Variants in DLG2 observed in about 807,000 individuals in gnomAD.
The protein encoded by DLG2 is discs large MAGUK scaffold protein 2, also known as disks large homolog 2.
Under a neutral mutation model 132.5 loss-of-function variants are expected in DLG2, and 45 were observed. That is an observed-to-expected ratio of 0.34 (90% CI 0.27 to 0.44). The LOEUF is 0.44. Among genes scored for constraint, DLG2 ranks in the 20% least tolerant of loss-of-function variants. The pLI is 1.00. For synonymous variants in DLG2, 424 were observed against 419.6 expected, an observed-to-expected ratio of 1.01 and a Z score of -0.13; for missense variants, 1,045 against 1,196.9, an observed-to-expected ratio of 0.87 and a Z score of 1.87.
intron 8 of DLG2, among the ~76,000 whole-genome samples, chr11:84,223,776 C>CA (rs2096950449): frequency 6.6e-6 from 1 of 152,130 alleles, no homozygotes; most frequent in Admixed American, 6.5e-5. Context: ...AGGCTGGCCT[C>CA]AAACTCCTGA....
chr11:85,533,140 C>T (rs191341261), intron 3 of DLG2, among the ~76,000 whole-genome samples: 21 of 152,274 alleles, frequency 1.4e-4, no homozygotes, highest in African/African-American at 4.8e-4. Context: ...TCCCCTGCTT[C>T]AGCCTCCCAA....
intron 6 of DLG2, among the ~76,000 whole-genome samples, chr11:85,055,866 T>C (rs916723936): frequency 6.6e-6 from 1 of 152,008 alleles, no homozygotes; most frequent in Non-Finnish European, 1.5e-5. Flanking sequence ...AGGGTTAAGG[T>C]TGGGGATAGA....
At chr11:84,494,293 C>T (rs2154498985) in intron 7 of DLG2, among the ~76,000 whole-genome samples, 1 of 152,256 alleles carries the variant, frequency 6.6e-6, no homozygotes, top group South Asian at 2.1e-4. Context: ...CCACTGTGCA[C>T]CTGCTGACTG....
intron 6 of DLG2, among the ~76,000 whole-genome samples, chr11:84,699,211 G>T (rs2058943784): frequency 6.6e-6 from 1 of 151,522 alleles, no homozygotes. Context: ...AAGAGTCAAA[G>T]AAACCTGGAT....
chr11:84,429,805 G>A (rs1401060659), intron 7 of DLG2, among the ~76,000 whole-genome samples: 1 of 152,016 alleles, frequency 6.6e-6, no homozygotes. Context: ...ATTTTCCAAC[G>A]TAATATCACT....
At chr11:84,064,116 A>AAT (rs200659612) in intron 10 of DLG2, among the ~76,000 whole-genome samples, 13 of 151,384 alleles carry the variant, frequency 8.6e-5, no homozygotes, top group Middle Eastern at 3.4e-3. Context: ...GTATAATAAG[A>AAT]ATATATATAT....
At chr11:85,270,660 C>T (rs550811362) in intron 4 of DLG2, among the ~76,000 whole-genome samples, 6 of 152,222 alleles carry the variant, frequency 3.9e-5, no homozygotes, top group South Asian at 2.1e-4. Context: ...ATATGAACAA[C>T]GAAATCCAGG....
At chr11:83,675,904 T>A (rs2077598258) in intron 18 of DLG2, among the ~76,000 whole-genome samples, 1 of 152,210 alleles carries the variant, frequency 6.6e-6, no homozygotes, top group Non-Finnish European at 1.5e-5. Flanking sequence ...TGCACCATCA[T>A]ATGCTTGGCC....
Position 84,678,201 on chromosome 11 carries a change from G to GGA in DLG2, c.358-143471_358-143470insTC, listed in dbSNP as rs2099719420. On this transcript the variant is annotated intron_variant, in intron 6 of 27. Coordinates refer to ENST00000376104, the MANE Select transcript of DLG2 (RefSeq NM_001142699.3). ...GCTGCTTTTCTCTTCCTTTCTCTCA[G>GGA]ACTATGGACAATGCCATCTGTTCCC... Among the ~76,000 whole-genome samples the GGA allele has an allele frequency of 1.3e-5, 2 of 152,154 alleles. 1 individual carries two copies. The highest frequency in any genetic ancestry group is 3.9e-4 in the East Asian group (2 of 5,150).
At chr11:84,293,477 C>T (rs2098037832) in intron 7 of DLG2, among the ~76,000 whole-genome samples, 1 of 152,032 alleles carries the variant, frequency 6.6e-6, no homozygotes, top group Non-Finnish European at 1.5e-5. Flanking sequence ...AGTTCAAGAC[C>T]AGCCTAGCCA....
intron 11 of DLG2, among the ~76,000 whole-genome samples, chr11:84,010,638 C>T (rs2094837898): frequency 6.6e-6 from 1 of 151,944 alleles, no homozygotes; most frequent in Non-Finnish European, 1.5e-5. Context: ...AGTTGATATG[C>T]TAGGAAAAGT....
At chr11:85,035,992 A>G (rs1463039859) in intron 6 of DLG2, among the ~76,000 whole-genome samples, 1 of 152,216 alleles carries the variant, frequency 6.6e-6, no homozygotes, top group African/African-American at 2.4e-5. Context: ...GTTTCAAAAT[A>G]AAAAGTTAGG....
chr11:85,381,353 A>G (rs990569479), intron 3 of DLG2, among the ~76,000 whole-genome samples: 1 of 152,228 alleles, frequency 6.6e-6, no homozygotes, highest in African/African-American at 2.4e-5. Context: ...CCTCTTCAAC[A>G]TGAATAAAGG....
At chr11:84,567,939 C>G (rs766550323) in intron 6 of DLG2, among the ~76,000 whole-genome samples, 4 of 152,164 alleles carry the variant, frequency 2.6e-5, no homozygotes, top group Non-Finnish European at 5.9e-5. Context: ...CCCACTCCCC[C>G]AAGTCAGCAC....
chr11:84,085,427 G>C (rs761699441), intron 10 of DLG2, among the ~76,000 whole-genome samples: 2 of 152,128 alleles, frequency 1.3e-5, no homozygotes, highest in Non-Finnish European at 2.9e-5. Context: ...CAGCTCTTTG[G>C]TATATGAATC....
chr11:85,021,930 T>C (rs1191896944), intron 6 of DLG2, among the ~76,000 whole-genome samples: 2 of 152,086 alleles, frequency 1.3e-5, no homozygotes, highest in African/African-American at 4.8e-5. Context: ...TATATTAAAA[T>C]GCAAAACTCA....
At chr11:83,758,413 C>T (rs1030181225) in intron 18 of DLG2, among the ~76,000 whole-genome samples, 1 of 152,178 alleles carries the variant, frequency 6.6e-6, no homozygotes, top group Non-Finnish European at 1.5e-5. Context: ...TGTTCCTTTT[C>T]CATATCTTTG....
chr11:83,642,871 A>G lies in DLG2; in HGVS notation c.1826-9546T>C, dbSNP rs1218887283. Among the ~76,000 whole-genome samples the G allele has an allele frequency of 2.0e-5, 3 of 152,166 alleles. No homozygotes were observed. In the East Asian group the frequency reaches 5.8e-4, roughly 29 times the overall value. ...CTCAGCTTTCTCATATGCAGAATAG[A>G]AAAAAAGTAGTTACCTGATCAGATT... On this transcript the variant is annotated intron_variant, in intron 18 of 27. Transcript: ENST00000376104.
chr11:85,420,172 C>T (rs750016564), intron 3 of DLG2, among the ~76,000 whole-genome samples: 1 of 152,034 alleles, frequency 6.6e-6, no homozygotes, highest in South Asian at 2.1e-4. Context: ...TTTAGTTTTC[C>T]TTCTAACAGT....
Sources: gnomAD v4.1 joint callset for allele counts (sites outside exome capture counted in the v4.1 genomes callset) on GRCh38, gnomAD v4.1.1 for gene constraint, MANE v1.5 for transcripts, NCBI Gene and HGNC (gene_info 2026-07-23, HGNC 2026-07-21) for gene names.